The following SPDL1 variants were observed in gnomAD, a reference collection of about 807,000 sequenced individuals.
SPDL1 encodes protein Spindly.
In SPDL1, 85 loss-of-function variants were observed where a neutral mutation model predicts 79.5. The observed-to-expected ratio is 1.07, with a 90% CI of 0.90 to 1.28. The LOEUF (loss-of-function observed/expected upper bound fraction) is 1.28. Ranked by LOEUF, SPDL1 falls within the 50% of genes most tolerant of loss-of-function variation. The pLI, the probability that SPDL1 is intolerant of heterozygous loss-of-function variation, is 0.00. For synonymous variants in SPDL1, 269 were observed against 240.3 expected (o/e 1.12, Z -1.10); for missense variants, 703 against 697.8 (o/e 1.01, Z -0.08).
At chr5:169,591,365 T>C (rs1581293968) in intron 3 of SPDL1, 141 bp downstream of exon 3, 1 of 744,504 alleles carries the variant, frequency 1.3e-6, no homozygotes, top group Non-Finnish European at 2.2e-6. Flanking sequence ...ATATTGGGGG[T>C]GGGAACACTG....
At chr5:169,591,328 GC>G in intron 3 of SPDL1, 104 bp downstream of exon 3, 1 of 1,172,102 alleles carries the variant, frequency 8.5e-7, no homozygotes, top group Non-Finnish European at 1.2e-6. Context: ...TTGCAAAATA[GC>G]CAAGATCTAA....
At position 169,594,140 on chromosome 5, in the gene SPDL1, A is replaced by G; in HGVS notation, c.532-5A>G. 1 of 1,597,454 alleles carries G rather than the reference A, an allele frequency of 6.3e-7. No individual in the cohort carries two copies. Among genetic ancestry groups the G allele is most frequent in the Non-Finnish European group, 8.5e-7 (1 of 1,175,338 alleles). On this transcript the variant is annotated splice_region_variant and splice_polypyrimidine_tract_variant and intron_variant, in intron 4 of 11. Transcript: ENST00000265295. ...ATTTCCTCCTTTTCAATTCCTGTTA[A>G]ATAGACCACCCTCAAAGAAGAAGTG...
rs1755712908 is a variant in SPDL1 at position 169,598,508 on chromosome 5, A to G, written c.1065A>G (p.Ser355=). 25 of 1,612,934 alleles carry G rather than the reference A, an allele frequency of 1.5e-5. No homozygotes were observed. Among genetic ancestry groups the G allele is most frequent in the Non-Finnish European group, 2.0e-5 (24 of 1,179,184 alleles). ...ATGACAGTATGGAATCTAAGCCTTC[A>G]GTCGACTCTGGTACTCTGGAAGATA... is the stretch of plus-strand genomic sequence containing the variant. The part of the protein sequence containing the change: ...NLYDSMESKP[S]VDSGTLEDNT... The change falls in exon 9 of 12, where the codon TCA becomes TCG. Residue 355 remains serine, a synonymous_variant. Coordinates refer to ENST00000265295, the MANE Select transcript of SPDL1 (RefSeq NM_017785.5).
chr5:169,588,575 G>A lies in SPDL1; in HGVS notation c.159G>A (p.Glu53=), dbSNP rs1341960921. ...KCRNEMMTMT[E]SYEQEKYTLQ... ...GTAATGAAATGATGACCATGACTGA[G>A]GTAGGACTCTGGACTCCTCTGTCTG... The change falls in exon 2 of 12, where the codon GAG becomes GAA. Residue 53 remains glutamate (E), a splice_region_variant and synonymous_variant. Transcript: ENST00000265295. 1.2e-6 allele frequency: 2 copies of A among 1,610,144 alleles called. No homozygotes were observed. The highest frequency in any genetic ancestry group is 2.2e-5 in the East Asian group (1 of 44,784).
At chr5:169,585,016 C>CAAA (rs11415643) in intron 1 of SPDL1, among the ~76,000 whole-genome samples, 3 of 138,260 alleles carry the variant, frequency 2.2e-5, no homozygotes, top group African/African-American at 2.7e-5. Flanking sequence ...GACTCCGTCT[C>CAAA]AAAAAAAAAA....
Position 169,604,280 on chromosome 5 carries a change from T to A in SPDL1, c.*73T>A. On this transcript the variant is annotated 3_prime_UTR_variant, in exon 12 of 12. Transcript: ENST00000265295. ...TATGGTGCTTAAGATTGTCTTGATC[T>A]GACATATATCACCTTCTGGGTTATT... is the stretch of plus-strand genomic sequence containing the variant. 7.4e-7 allele frequency: 1 copy of A among 1,358,542 alleles called. No individual in the cohort carries two copies. The highest frequency in any genetic ancestry group is 2.5e-4 in the Middle Eastern group (1 of 4,018). The allele number at this position is 1,358,542 out of a possible 1,614,324, so 84.2% of individuals were successfully genotyped here.
intron 3 of SPDL1, among the ~76,000 whole-genome samples, chr5:169,592,630 A>G (rs1482892712): frequency 6.6e-6 from 1 of 152,162 alleles, no homozygotes; most frequent in Non-Finnish European, 1.5e-5. Context: ...CTGACAGATA[A>G]TATCATCCAG....
Position 169,604,353 on chromosome 5 carries a change from G to A in SPDL1, c.*146G>A, listed in dbSNP as rs1170978071. 1.3e-6 allele frequency: 1 copy of A among 781,034 alleles called. No individual in the cohort carries two copies. Among genetic ancestry groups the A allele is most frequent in the African/African-American group, 1.8e-5 (1 of 55,968 alleles). The allele number at this position is 781,034 out of a possible 1,614,324, so 48.4% of individuals were successfully genotyped here. A position where few individuals can be genotyped will look rare whatever the true frequency, so the allele number is the denominator to read the frequency against. On this transcript the variant is annotated 3_prime_UTR_variant, in exon 12 of 12. Coordinates refer to ENST00000265295, the MANE Select transcript of SPDL1 (RefSeq NM_017785.5). Reference sequence around the variant, plus strand: ...CATTTTCATGTGCCTTTGACCAAGTGTTCAGAATTTGCTTGACTCTAACCT... The same window carrying A: ...CATTTTCATGTGCCTTTGACCAAGTATTCAGAATTTGCTTGACTCTAACCT...
At chr5:169,587,621 G>A (rs1343737950) in intron 1 of SPDL1, among the ~76,000 whole-genome samples, 1 of 152,120 alleles carries the variant, frequency 6.6e-6, no homozygotes, top group Non-Finnish European at 1.5e-5. Context: ...TAACACTGTT[G>A]TGAAAAATTA....
chr5:169,598,648 A>G, intron 9 of SPDL1, 69 bp downstream of exon 9: 5 of 1,312,852 alleles, frequency 3.8e-6, no homozygotes, highest in South Asian at 2.6e-5. Context: ...GTCAGTGACT[A>G]CAAAGTTTTT....
intron 11 of SPDL1, 157 bp downstream of exon 11, chr5:169,601,782 T>C (rs746264868): frequency 6.6e-6 from 5 of 757,332 alleles, no homozygotes; most frequent in Non-Finnish European, 1.2e-5. Flanking sequence ...TTTCCAGAAC[T>C]TTAAGAAAGA....
intron 2 of SPDL1, 23 bp from the exon 3 acceptor site, chr5:169,591,025 A>G (rs1554130712): frequency 5.7e-6 from 9 of 1,585,234 alleles, no homozygotes; most frequent in Non-Finnish European, 7.8e-6. Flanking sequence ...ATGTAATTGA[A>G]TTGTAATTGA....
Position 169,594,056 on chromosome 5 carries a change from G to T in SPDL1, c.532-89G>T. The T allele has an allele frequency of 5.6e-6, 6 of 1,079,050 alleles. No homozygotes were observed. In the South Asian group the frequency reaches 6.8e-5, roughly 12 times the overall value. The allele number at this position is 1,079,050 out of a possible 1,614,324, so 66.8% of individuals were successfully genotyped here. On this transcript the variant is annotated intron_variant, in intron 4 of 11. Transcript: ENST00000265295. ...GACTGGTTCTTTAGTTTTAATTTTG[G>T]ATGTGAACCACAACTGAGATAAACT...
At chr5:169,591,872 C>G (rs1755304299) in intron 3 of SPDL1, among the ~76,000 whole-genome samples, 1 of 152,184 alleles carries the variant, frequency 6.6e-6, no homozygotes, top group African/African-American at 2.4e-5. Flanking sequence ...TACACTGGCT[C>G]CATTTCAAAC....
At position 169,596,881 on chromosome 5, in the gene SPDL1, T is replaced by A. The variant is rs557072344; in HGVS notation, c.1032+180T>A. Among the ~76,000 whole-genome samples the A allele has an allele frequency of 1.3e-3, 199 of 152,306 alleles. 1 individual carries two copies. Among genetic ancestry groups the A allele is most frequent in the Non-Finnish European group, 6.5e-4 (44 of 68,008 alleles). On this transcript the variant is annotated intron_variant, in intron 8 of 11. Transcript: ENST00000265295. ...TTGGTGATTCTTGCCTGAAACATAA[T>A]TCTGTGATGATTGCTAAATGGGTAA...
intron 10 of SPDL1, 138 bp from the exon 11 acceptor site, chr5:169,601,142 G>T (rs3797712): frequency 2.0e-5 from 13 of 654,870 alleles, no homozygotes; most frequent in Admixed American, 9.3e-5. Context: ...TAGAAACAAA[G>T]GATGCATTTC....
chr5:169,590,315 A>G (rs1755209091), intron 2 of SPDL1, among the ~76,000 whole-genome samples: 1 of 152,246 alleles, frequency 6.6e-6, no homozygotes, highest in Non-Finnish European at 1.5e-5. Flanking sequence ...AAAGATTACA[A>G]ATATCACTAA....
intron 4 of SPDL1, 72 bp downstream of exon 4, chr5:169,593,620 A>G: frequency 7.0e-7 from 1 of 1,430,702 alleles, no homozygotes; most frequent in East Asian, 2.4e-5. Flanking sequence ...TGTTTTGGTA[A>G]TAATTCTTAA....
intron 3 of SPDL1, among the ~76,000 whole-genome samples, chr5:169,592,253 G>C (rs567740357): frequency 6.3e-4 from 70 of 110,464 alleles, no homozygotes; most frequent in Middle Eastern, 0.013. Context: ...GTCTCACACT[G>C]TCGCCCAGGC....
Sources: gnomAD v4.1 joint callset for allele counts (sites outside exome capture counted in the v4.1 genomes callset) on GRCh38, gnomAD v4.1.1 for gene constraint, MANE v1.5 for transcripts, NCBI Gene and HGNC (gene_info 2026-07-23, HGNC 2026-07-21) for gene names.